BRCA2: variants seen among roughly 807,000 people sequenced by gnomAD.
BRCA2 encodes the protein BRCA2 DNA repair associated.
Under a neutral mutation model 276.7 loss-of-function variants are expected in BRCA2, and 203 were observed. The observed-to-expected ratio is 0.73, with a 90% confidence interval of 0.65 to 0.82. The LOEUF (loss-of-function observed/expected upper bound fraction) is 0.82, where lower values mean the gene tolerates loss of function less well. Ranked by LOEUF, BRCA2 falls within the 40% of genes least tolerant of loss-of-function variation. BRCA2 has a pLI of 0.00. For missense variants in BRCA2, 3,920 were observed against 3,915.0 expected, an observed-to-expected ratio of 1.00 and a Z score of -0.03; for synonymous variants, 1,289 against 1,338.4, an observed-to-expected ratio of 0.96 and a Z score of 0.81.
intron 16 of BRCA2, among the ~76,000 whole-genome samples, chr13:32,358,705 G>A (rs2072718312): frequency 6.6e-6 from 1 of 151,762 alleles, no homozygotes; most frequent in Admixed American, 6.6e-5. Flanking sequence ...GGCCAAGATG[G>A]GCCAATTACC....
At chr13:32,355,486 T>TA (rs1191693680) in intron 14 of BRCA2, among the ~76,000 whole-genome samples, 198 bp downstream of exon 14, 4 of 152,100 alleles carry the variant, frequency 2.6e-5, no homozygotes, top group Non-Finnish European at 4.4e-5. Context: ...GTGGACTTGT[T>TA]AAAAAAAATT....
chr13:32,355,283 C>A lies in BRCA2; in HGVS notation c.7430C>A (p.Pro2477His). The change falls in exon 14 of 27, where the codon CCT becomes CAT. Residue 2477 changes from proline (P) to histidine (H), a missense_variant. Pro to His is a moderately conservative substitution (Grantham distance 77). This residue lies in a region of BRCA2 where 3,263 missense variants were observed against 3,156.9 expected (regional missense o/e 1.03). Coordinates refer to ENST00000380152, the MANE Select transcript of BRCA2 (RefSeq NM_000059.4). ...ACTTTCACAAAGTGTGAAGAAGAAC[C>A]TTTAGGTATTGTATGACAATTTGTG... ...AVTFTKCEEE[P>H]LDLITSLQNA... 2 of 1,613,558 alleles carry A rather than the reference C, an allele frequency of 1.2e-6. No homozygotes were observed. The highest frequency in any genetic ancestry group is 1.7e-6 in the Non-Finnish European group (2 of 1,179,750).
At position 32,337,633 on chromosome 13, in the gene BRCA2, C is replaced by G. The variant is rs2137495034; in HGVS notation, c.3278C>G (p.Ser1093Cys). The G allele has an allele frequency of 6.3e-7, 1 of 1,586,540 alleles. No homozygotes were observed. The highest frequency in any genetic ancestry group is 8.6e-7 in the Non-Finnish European group (1 of 1,168,024). Residue 1093 changes from serine (S) to cysteine (C), a missense_variant, in exon 11 of 27, where the codon TCC becomes TGC. Transcript: ENST00000380152. ...NSHITPQMLF[S>C]KQDFNSNHNL... ...CATATAACCCCTCAGATGTTATTTTCCAAGCAGGATTTTAATTCAAACCAT... is the reference window on the plus strand; with the variant it reads ...CATATAACCCCTCAGATGTTATTTTGCAAGCAGGATTTTAATTCAAACCAT...
At chr13:32,322,014 A>T (rs1408700555) in intron 3 of BRCA2, among the ~76,000 whole-genome samples, 1 of 151,928 alleles carries the variant, frequency 6.6e-6, no homozygotes, top group Non-Finnish European at 1.5e-5. Flanking sequence ...TGAACTCCTT[A>T]GTTTACTTTA....
At chr13:32,384,670 A>G (rs987506664) in intron 24 of BRCA2, 7 of 228,746 alleles carry the variant, frequency 3.1e-5, no homozygotes, top group African/African-American at 1.4e-4. Context: ...ATGAGTAAAA[A>G]TGCTGATGAT....
At chr13:32,365,739 T>A (rs1216208859) in intron 18 of BRCA2, among the ~76,000 whole-genome samples, 1 of 150,372 alleles carries the variant, frequency 6.7e-6, no homozygotes, top group Non-Finnish European at 1.5e-5. Flanking sequence ...TTTTTTTTTT[T>A]TTTAACTTTT....
chr13:32,367,970 C>A (rs958689897), intron 18 of BRCA2, among the ~76,000 whole-genome samples: 2 of 147,510 alleles, frequency 1.4e-5, no homozygotes, highest in South Asian at 4.3e-4. Flanking sequence ...ATTTCGCAAC[C>A]CTCAAATTAG....
chr13:32,371,717 C>A (rs1337388595), intron 20 of BRCA2, among the ~76,000 whole-genome samples: 1 of 152,076 alleles, frequency 6.6e-6, no homozygotes, highest in African/African-American at 2.4e-5. Flanking sequence ...AAATCATTCA[C>A]AGGCATACCT....
In BRCA2 at chr13:32,350,396, G is replaced by T. The variant is rs574648367; in HGVS notation, c.7007+3500G>T. Reference sequence around the variant, plus strand: ...ACAGTAAGTACATAGAAAATAAGCAGATTTTAAAAATTAACTCAAGAGAAA... The same window carrying T: ...ACAGTAAGTACATAGAAAATAAGCATATTTTAAAAATTAACTCAAGAGAAA... On this transcript the variant is annotated intron_variant, in intron 13 of 26. Coordinates refer to ENST00000380152, the MANE Select transcript of BRCA2 (RefSeq NM_000059.4). Among the ~76,000 whole-genome samples the T allele has an allele frequency of 7.2e-5, 11 of 152,244 alleles. No homozygotes were observed. In the South Asian group the frequency reaches 2.1e-3, roughly 29 times the overall value.
chr13:32,363,417 G>C lies in BRCA2; in HGVS notation c.8215G>C (p.Val2739Leu), dbSNP rs80359069. ...CCAGTTAGATCCTCCCCTCTTAGCT[G>C]TCTTAAAGAATGGCAGACTGACAGT... ...KAQLDPPLLA[V>L]LKNGRLTVGQ... is the part of the protein sequence containing the mutation. The change falls in exon 18 of 27, where the codon GTC (valine) becomes CTC (leucine). Residue 2739 changes from valine to leucine, a missense_variant. Physicochemically the swap from Val to Leu is conservative, Grantham distance 32. Transcript: ENST00000380152. The C allele has an allele frequency of 1.9e-6, 3 of 1,614,170 alleles. No individual in the cohort carries two copies. The East Asian group carries it at 6.7e-5, about 36-fold the overall frequency.
At chr13:32,387,951 C>A (rs4570704) in intron 24 of BRCA2, among the ~76,000 whole-genome samples, 1 of 151,804 alleles carries the variant, frequency 6.6e-6, no homozygotes, top group South Asian at 2.1e-4. Flanking sequence ...CAAGCCCAGC[C>A]GTTCGGGCCG....
chr13:32,363,406 C>G lies in BRCA2; in HGVS notation c.8204C>G (p.Pro2735Arg), dbSNP rs730881564. ...GCTGTTAAGGCCCAGTTAGATCCTC[C>G]CCTCTTAGCTGTCTTAAAGAATGGC... is the stretch of plus-strand genomic sequence containing the variant. ...WYAVKAQLDP[P>R]LLAVLKNGRL... Residue 2735 changes from proline (P) to arginine (R), a missense_variant, in exon 18 of 27, where the codon CCC (proline) becomes CGC (arginine). This residue lies in a region of BRCA2 where 3,263 missense variants were observed against 3,156.9 expected (regional missense o/e 1.03). Transcript: ENST00000380152. 1.2e-6 allele frequency: 2 copies of G among 1,614,094 alleles called. No individual in the cohort carries two copies. The highest frequency in any genetic ancestry group is 1.7e-6 in the Non-Finnish European group (2 of 1,180,012).
rs80359561 is a variant in BRCA2 at position 32,340,479 on chromosome 13, CA to C, written c.6129del (p.Gly2044AlafsTer7). The C allele has an allele frequency of 6.2e-7, 1 of 1,613,334 alleles. No individual in the cohort carries two copies. The highest frequency in any genetic ancestry group is 8.5e-7 in the Non-Finnish European group (1 of 1,179,724). On this transcript the variant is annotated frameshift_variant, in exon 11 of 27. Transcript: ENST00000380152. LOFTEE classifies it high-confidence loss of function. ...ACGTACTCCAGAACATTTAATATCCCAAAAAGGCTTTTCATATAATGTGGTA... is the reference window on the plus strand; with the variant it reads ...ACGTACTCCAGAACATTTAATATCCCAAAAGGCTTTTCATATAATGTGGTA... ...AIRTPEHLISQKGFSYNVVNS... is the reference protein window; with the variant it reads ...AIRTPEHLISXKGFSYNVVNS...
chr13:32,352,691 A>G (rs2072661104), intron 13 of BRCA2, among the ~76,000 whole-genome samples: 1 of 152,204 alleles, frequency 6.6e-6, no homozygotes, highest in Non-Finnish European at 1.5e-5. Flanking sequence ...CATTTCTGAT[A>G]AGTTGAAACC....
In BRCA2 at chr13:32,354,989, G is replaced by A. The variant is rs1555286016; in HGVS notation, c.7136G>A (p.Gly2379Glu). Residue 2379 changes from glycine to glutamate, a missense_variant, in exon 14 of 27, where the codon GGA becomes GAA. Physicochemically the swap from Gly to Glu is moderately conservative, Grantham distance 98. This residue lies in a region of BRCA2 where 3,263 missense variants were observed against 3,156.9 expected (regional missense o/e 1.03). Transcript: ENST00000380152. ...EKSSSNLAVS[G>E]HPFYQVSATR... ...TCTTCAAGCAATTTAGCAGTTTCAG[G>A]ACATCCATTTTATCAAGTTTCTGCT... is the stretch of plus-strand genomic sequence containing the variant. 6.2e-7 allele frequency: 1 copy of A among 1,613,630 alleles called. No homozygotes were observed. Among genetic ancestry groups the A allele is most frequent in the Non-Finnish European group, 8.5e-7 (1 of 1,179,682 alleles).
intron 18 of BRCA2, among the ~76,000 whole-genome samples, chr13:32,367,969 C>T (rs1401123360): frequency 1.3e-5 from 2 of 148,674 alleles, no homozygotes; most frequent in Admixed American, 1.3e-4. Context: ...CATTTCGCAA[C>T]CCTCAAATTA....
intron 20 of BRCA2, among the ~76,000 whole-genome samples, chr13:32,374,989 A>G (rs2072861187): frequency 6.6e-6 from 1 of 152,226 alleles, no homozygotes; most frequent in Non-Finnish European, 1.5e-5. Context: ...GGCCTCAGGA[A>G]ACTTACAATC....
intron 20 of BRCA2, among the ~76,000 whole-genome samples, chr13:32,372,396 G>A (rs1391634181): frequency 6.6e-6 from 1 of 152,170 alleles, no homozygotes; most frequent in African/African-American, 2.4e-5. Flanking sequence ...AAGCTTAATT[G>A]ACTTACAGTT....
chr13:32,345,451 T>G (rs1270770318), intron 12 of BRCA2, among the ~76,000 whole-genome samples: 1 of 152,074 alleles, frequency 6.6e-6, no homozygotes, highest in African/African-American at 2.4e-5. Context: ...ATTCCACTGA[T>G]CATTTCTTGA....
Sources: gnomAD v4.1 joint callset for allele counts (sites outside exome capture counted in the v4.1 genomes callset) on GRCh38, gnomAD v4.1.1 for gene constraint, gnomAD v4.1.1 regional missense constraint, MANE v1.5 for transcripts, NCBI Gene and HGNC (gene_info 2026-07-23, HGNC 2026-07-21) for gene names.